PHYH: variants seen among roughly 807,000 people sequenced by gnomAD.
PHYH encodes phytanoyl-CoA dioxygenase, peroxisomal.
Under a neutral mutation model 38.5 loss-of-function variants are expected in PHYH, and 32 were observed. That is an observed-to-expected ratio of 0.83 (90% CI 0.63 to 1.12). The LOEUF is 1.12. PHYH is among the 50% of genes most tolerant of loss of function. The pLI is 0.00. For synonymous variants in PHYH, 166 were observed against 157.9 expected (o/e 1.05, Z -0.38); for missense variants, 426 against 434.8 (o/e 0.98, Z 0.18).
At chr10:13,283,036 G>T (rs1380743089) in intron 7 of PHYH, among the ~76,000 whole-genome samples, 1 of 151,772 alleles carries the variant, frequency 6.6e-6, no homozygotes, top group Non-Finnish European at 1.5e-5. Context: ...GCCCAGACTG[G>T]TCTAGAGCTC....
In PHYH at chr10:13,288,596, G is replaced by A. The variant is rs930334861; in HGVS notation, c.497-55C>T. 15 of 1,534,936 alleles carry A rather than the reference G, an allele frequency of 9.8e-6. 1 individual carries two copies. In the South Asian group the frequency reaches 1.2e-4, roughly 13 times the overall value. On this transcript the variant is annotated intron_variant, in intron 5 of 8. Transcript: ENST00000263038. ...CTCGAGGCCGAGTGCAGTGGCTCAC[G>A]CCTGTAACCCCAGCACTTTGGGATA...
intron 8 of PHYH, 91 bp downstream of exon 8, chr10:13,280,885 T>A: frequency 8.2e-7 from 1 of 1,223,112 alleles, no homozygotes; most frequent in Non-Finnish European, 1.2e-6. Flanking sequence ...AAGCACTATA[T>A]ACTGTCAAAT....
In PHYH at chr10:13,289,523, T is replaced by C. The variant is rs553008715; in HGVS notation, c.497-982A>G. ...TGCTTTATTCTTTTGTGACCCTGGA[T>C]TGGGCACAGTACCTAGCATGCAGTA... On this transcript the variant is annotated intron_variant, in intron 5 of 8. Transcript: ENST00000263038. Among the ~76,000 whole-genome samples, 461 of 152,244 alleles carry C rather than the reference T, an allele frequency of 3.0e-3. 2 individuals are homozygous for C. The highest frequency in any genetic ancestry group is 0.01 in the African/African-American group (432 of 41,558).
chr10:13,283,375 C>T (rs183122458), intron 7 of PHYH, among the ~76,000 whole-genome samples: 143 of 152,142 alleles, frequency 9.4e-4, no homozygotes, highest in African/African-American at 3.1e-3. Context: ...GTGATCCACC[C>T]GCCTTGGCCT....
At chr10:13,288,589 G>C in intron 5 of PHYH, 48 bp from the exon 6 acceptor site, 1 of 1,572,790 alleles carries the variant, frequency 6.4e-7, no homozygotes. Flanking sequence ...CGAGTGCAGT[G>C]GCTCACGCCT....
chr10:13,299,851 G>A (rs972779969), intron 1 of PHYH, 117 bp downstream of exon 1: 4 of 1,333,212 alleles, frequency 3.0e-6, no homozygotes, highest in Non-Finnish European at 3.8e-6. Context: ...GCTGAGCGAG[G>A]AGGCGCTGGG....
Position 13,294,526 on chromosome 10 carries a change from T to G in PHYH, c.316A>C (p.Ile106Leu), listed in dbSNP as rs1460092273. 1.2e-6 allele frequency: 2 copies of G among 1,613,804 alleles called. No individual in the cohort carries two copies. Among genetic ancestry groups the G allele is most frequent in the African/African-American group, 2.7e-5 (2 of 74,932 alleles). ...LGLTVMRDVT[I>L]SKSEYAPSEK... is the part of the protein sequence containing the mutation. Reference sequence around the variant, plus strand: ...CTTGGAGCATATTCGGATTTCGAAATGGTCACATCTCTCATTACTGTTAAT... The same window carrying G: ...CTTGGAGCATATTCGGATTTCGAAAGGGTCACATCTCTCATTACTGTTAAT... Residue 106 changes from isoleucine (I) to leucine (L), a missense_variant, in exon 4 of 9, where the codon ATT (isoleucine) becomes CTT (leucine). By Grantham distance (5) the Ile-to-Leu change is conservative. Coordinates refer to ENST00000263038, the MANE Select transcript of PHYH (RefSeq NM_006214.4).
intron 6 of PHYH, among the ~76,000 whole-genome samples, chr10:13,284,732 C>T (rs1422444210): frequency 1.3e-5 from 2 of 152,174 alleles, no homozygotes; most frequent in Non-Finnish European, 2.9e-5. Context: ...AAATTAGTTG[C>T]TACTTTAGGT....
intron 6 of PHYH, among the ~76,000 whole-genome samples, chr10:13,285,607 T>C (rs892635293): frequency 1.4e-4 from 9 of 63,012 alleles, no homozygotes; most frequent in Non-Finnish European, 3.0e-4. Context: ...TTTTCTTTTC[T>C]TTTTTTTTTT....
intron 6 of PHYH, among the ~76,000 whole-genome samples, chr10:13,288,022 C>T (rs1164915787): frequency 2.0e-5 from 3 of 152,052 alleles, no homozygotes; most frequent in Non-Finnish European, 2.9e-5. Context: ...TTTACTAAAA[C>T]CACAAAAATT....
intron 6 of PHYH, among the ~76,000 whole-genome samples, chr10:13,285,245 G>A (rs1016932115): frequency 6.6e-6 from 1 of 151,872 alleles, no homozygotes; most frequent in Non-Finnish European, 1.5e-5. Flanking sequence ...GTGCAGTGGT[G>A]CGATCTCAGC....
intron 8 of PHYH, 113 bp downstream of exon 8, chr10:13,280,863 G>C: frequency 9.7e-7 from 1 of 1,028,586 alleles, no homozygotes; most frequent in Non-Finnish European, 1.5e-6. Context: ...TCCCTAAAAT[G>C]AATCTAAACC....
chr10:13,297,605 C>T (rs912511059), intron 2 of PHYH, among the ~76,000 whole-genome samples: 3 of 151,886 alleles, frequency 2.0e-5, no homozygotes, highest in Non-Finnish European at 4.4e-5. Flanking sequence ...AGGTGCACAC[C>T]ACCATGCCCA....
intron 3 of PHYH, chr10:13,295,062 C>T (rs2131653471): frequency 3.5e-6 from 1 of 286,724 alleles, no homozygotes; most frequent in South Asian, 3.6e-5. Flanking sequence ...GACTGAAGCC[C>T]AGGCATGGTG....
intron 5 of PHYH, among the ~76,000 whole-genome samples, chr10:13,288,917 C>T (rs555367860): frequency 2.5e-4 from 27 of 105,898 alleles, no homozygotes; most frequent in African/African-American, 9.8e-4. Flanking sequence ...TCCCCCACCC[C>T]CAACCAAAAA....
chr10:13,291,272 G>C (rs1835704552), intron 5 of PHYH, among the ~76,000 whole-genome samples: 1 of 152,154 alleles, frequency 6.6e-6, no homozygotes, highest in Admixed American at 6.5e-5. Flanking sequence ...AGGAACCTTT[G>C]ATATATGAAC....
chr10:13,297,320 A>C (rs1375042508), intron 2 of PHYH, among the ~76,000 whole-genome samples: 1 of 152,198 alleles, frequency 6.6e-6, no homozygotes, highest in Non-Finnish European at 1.5e-5. Flanking sequence ...CACCCAACCT[A>C]TTCCTTAAGA....
At chr10:13,280,120 C>T (rs1157476536) in intron 8 of PHYH, among the ~76,000 whole-genome samples, 1 of 152,076 alleles carries the variant, frequency 6.6e-6, no homozygotes, top group Non-Finnish European at 1.5e-5. Flanking sequence ...AGGCATGTGC[C>T]ACCAGACCCA....
At chr10:13,295,878 G>A (rs930170616) in intron 2 of PHYH, among the ~76,000 whole-genome samples, 2 of 150,992 alleles carry the variant, frequency 1.3e-5, no homozygotes, top group East Asian at 3.9e-4. Context: ...TATGTATCAA[G>A]AACCTGAGGC....
Sources: gnomAD v4.1 joint callset for allele counts (sites outside exome capture counted in the v4.1 genomes callset) on GRCh38, gnomAD v4.1.1 for gene constraint, MANE v1.5 for transcripts, NCBI Gene and HGNC (gene_info 2026-07-23, HGNC 2026-07-21) for gene names.